Variants in CPA3 observed in about 807,000 individuals in gnomAD.
The protein encoded by CPA3 is mast cell carboxypeptidase A.
CPA3 carries 52 observed loss-of-function variants against 55.8 expected under a neutral mutation model. The observed-to-expected ratio is 0.93, with a 90% CI of 0.75 to 1.17. CPA3 has a LOEUF of 1.17. Among genes scored for constraint, CPA3 ranks in the 50% most tolerant of loss-of-function variants. CPA3 has a pLI of 0.00. For synonymous variants in CPA3, 179 were observed against 171.2 expected (o/e 1.05, Z -0.36); for missense variants, 547 against 509.1 (o/e 1.07, Z -0.72).
In CPA3 at chr3:148,865,511, A is replaced by G. The variant is rs1038754481; in HGVS notation, c.107A>G (p.Gln36Arg). The G allele has an allele frequency of 1.2e-6, 2 of 1,614,100 alleles. No homozygotes were observed. Among genetic ancestry groups the G allele is most frequent in the African/African-American group, 2.7e-5 (2 of 75,010 alleles). ...VFRVKPQDEKQADIIKDLAKT... is the reference protein window; with the variant it reads ...VFRVKPQDEKRADIIKDLAKT... The stretch of plus-strand genomic sequence containing the variant: ...CGCGTGAAGCCCCAGGATGAAAAAC[A>G]AGCAGACATCATAAAGGACTTGGCC... Residue 36 changes from glutamine (Q) to arginine (R), a missense_variant, in exon 2 of 11, where the codon CAA (glutamine) becomes CGA (arginine). Gln to Arg is a conservative substitution (Grantham distance 43, BLOSUM62 1). Transcript: ENST00000296046.
intron 3 of CPA3, among the ~76,000 whole-genome samples, chr3:148,869,460 C>CA (rs558424838): frequency 2.8e-5 from 4 of 142,112 alleles, no homozygotes; most frequent in African/African-American, 5.2e-5. Flanking sequence ...AAAAGGAGAC[C>CA]AAAAAAAAAA....
At chr3:148,880,335 CT>C (rs35154297) in intron 6 of CPA3, among the ~76,000 whole-genome samples, 54,879 of 135,954 alleles carry the variant, frequency 0.4, 10,021 homozygotes, top group African/African-American at 0.53. Context: ...TCACTTTTTT[CT>C]TTTTTTTTTT....
intron 8 of CPA3, 63 bp downstream of exon 8, chr3:148,882,658 C>G (rs753387651): frequency 1.6e-6 from 2 of 1,221,950 alleles, no homozygotes; most frequent in South Asian, 1.3e-5. Context: ...CCAAACTTAA[C>G]TAAAACACCT....
chr3:148,875,524 T>C (rs182813518), intron 3 of CPA3, among the ~76,000 whole-genome samples: 67 of 152,334 alleles, frequency 4.4e-4, no homozygotes, highest in African/African-American at 1.5e-3. Context: ...CCATGTTTTC[T>C]AAGTCCTTCT....
At chr3:148,865,953 A>G (rs1302920212) in intron 2 of CPA3, among the ~76,000 whole-genome samples, 2 of 152,192 alleles carry the variant, frequency 1.3e-5, no homozygotes, top group Non-Finnish European at 2.9e-5. Context: ...ACTGGCTAAT[A>G]TCAAGATGTG....
In CPA3 at chr3:148,881,641, C is replaced by A; in HGVS notation, c.687+9C>A. ...TTTGGTCATGGACAAAGGTACTGCT[C>A]TCTACTCTCTTGTTTGCATTTAGAT... On this transcript the variant is annotated intron_variant, in intron 7 of 10. Coordinates refer to ENST00000296046, the MANE Select transcript of CPA3 (RefSeq NM_001870.4). 4 of 1,536,282 alleles carry A rather than the reference C, an allele frequency of 2.6e-6. No homozygotes were observed. Among genetic ancestry groups the A allele is most frequent in the Non-Finnish European group, 3.6e-6 (4 of 1,114,558 alleles).
In CPA3 at chr3:148,886,134, A is replaced by G. The variant is rs146641016; in HGVS notation, c.1023A>G (p.Arg341=). 1.4e-5 allele frequency: 23 copies of G among 1,613,624 alleles called. No homozygotes were observed. In the African/African-American group the frequency reaches 3.1e-4, roughly 22 times the overall value. The change falls in exon 10 of 11, where the codon CGA becomes CGG. Residue 341 remains arginine, a synonymous_variant. Coordinates refer to ENST00000296046, the MANE Select transcript of CPA3 (RefSeq NM_001870.4). ...TTGGCACTGATGTTCTATCAACTCGATATGAAACCCGCTACATCTATGGCC... is the reference window on the plus strand; with the variant it reads ...TTGGCACTGATGTTCTATCAACTCGGTATGAAACCCGCTACATCTATGGCC... ...AKIGTDVLST[R]YETRYIYGPI...
At chr3:148,880,255 A>G (rs533129318) in intron 6 of CPA3, among the ~76,000 whole-genome samples, 2 of 152,180 alleles carry the variant, frequency 1.3e-5, no homozygotes, top group Admixed American at 1.3e-4. Flanking sequence ...ATTCCTCTTT[A>G]GATAATACAT....
intron 3 of CPA3, among the ~76,000 whole-genome samples, chr3:148,869,427 A>G (rs6767470): frequency 0.58 from 87,285 of 151,496 alleles, 26,043 homozygotes; most frequent in Middle Eastern, 0.68. Flanking sequence ...CTCCTTTTAT[A>G]TATTTGAATT....
At chr3:148,882,865 A>C (rs1679639031) in intron 8 of CPA3, among the ~76,000 whole-genome samples, 1 of 152,196 alleles carries the variant, frequency 6.6e-6, no homozygotes, top group South Asian at 2.1e-4. Context: ...ATGTATAAAA[A>C]TTCAGATAAT....
intron 8 of CPA3, 80 bp from the exon 9 acceptor site, chr3:148,883,533 A>G: frequency 1.7e-6 from 2 of 1,145,200 alleles, no homozygotes; most frequent in Non-Finnish European, 2.6e-6. Flanking sequence ...ACATTCTGTG[A>G]ATCTATAATA....
rs191917413 is a variant in CPA3 at position 148,877,693 on chromosome 3, A to G, written c.270-748A>G. ...TTTGTACCTCATTTTTCTCATCTGT[A>G]CAATAAGCATAATAATCTAATGTGA... On this transcript the variant is annotated intron_variant, in intron 3 of 10. Transcript: ENST00000296046. Among the ~76,000 whole-genome samples the G allele has an allele frequency of 5.8e-4, 89 of 152,306 alleles. 2 individuals carry two copies. Among genetic ancestry groups the G allele is most frequent in the Non-Finnish European group, 2.1e-4 (14 of 68,026 alleles).
At chr3:148,870,991 C>T (rs1319746479) in intron 3 of CPA3, among the ~76,000 whole-genome samples, 1 of 152,094 alleles carries the variant, frequency 6.6e-6, no homozygotes, top group African/African-American at 2.4e-5. Context: ...CTCCGCCTCC[C>T]GGGTTCACGC....
chr3:148,873,161 G>A (rs1323684841), intron 3 of CPA3, among the ~76,000 whole-genome samples: 3 of 152,056 alleles, frequency 2.0e-5, no homozygotes, highest in Admixed American at 2.0e-4. Flanking sequence ...AGAAATCCAT[G>A]TCAGTAAGTG....
chr3:148,889,466 G>C (rs1714613236), intron 10 of CPA3, among the ~76,000 whole-genome samples: 1 of 152,028 alleles, frequency 6.6e-6, no homozygotes, highest in Admixed American at 6.6e-5. Flanking sequence ...TTTGCTCTTT[G>C]AACATGAGAG....
At chr3:148,881,484 T>C in intron 6 of CPA3, 38 bp from the exon 7 acceptor site, 1 of 1,312,200 alleles carries the variant, frequency 7.6e-7, no homozygotes. Context: ...ATAGCTAAAC[T>C]TCATACCAAT....
At chr3:148,882,450 A>T in intron 7 of CPA3, 55 bp from the exon 8 acceptor site, 1 of 1,473,788 alleles carries the variant, frequency 6.8e-7, no homozygotes, top group African/African-American at 1.4e-5. Context: ...GAAATGATCA[A>T]ATTGAAAAAT....
At position 148,883,782 on chromosome 3, in the gene CPA3, T is replaced by C. The variant is rs1332005882; in HGVS notation, c.948T>C (p.Tyr316=). The C allele has an allele frequency of 1.9e-6, 3 of 1,613,972 alleles. No homozygotes were observed. Among genetic ancestry groups the C allele is most frequent in the Non-Finnish European group, 2.5e-6 (3 of 1,179,968 alleles). The part of the protein sequence containing the change: ...YSQMLLFPYG[Y]TSKLPPNHED... Reference sequence around the variant, plus strand: ...AGATGCTATTGTTTCCCTATGGATATACATCAAAACTGCCACCTAACCATG... The same window carrying C: ...AGATGCTATTGTTTCCCTATGGATACACATCAAAACTGCCACCTAACCATG... The change falls in exon 9 of 11, where the codon TAT becomes TAC. Residue 316 remains tyrosine (Y), a synonymous_variant. Coordinates refer to ENST00000296046, the MANE Select transcript of CPA3 (RefSeq NM_001870.4).
At position 148,886,112 on chromosome 3, in the gene CPA3, G is replaced by A. The variant is rs139830547; in HGVS notation, c.1001G>A (p.Gly334Asp). The change falls in exon 10 of 11, where the codon GGC becomes GAC. Residue 334 changes from glycine to aspartate, a missense_variant. Physicochemically the swap from Gly to Asp is moderately conservative, Grantham distance 94. Coordinates refer to ENST00000296046, the MANE Select transcript of CPA3 (RefSeq NM_001870.4). ...CTCCAGGCCAAAGTTGCAAAGATTG[G>A]CACTGATGTTCTATCAACTCGATAT... ...HEDLAKVAKI[G>D]TDVLSTRYET... 170 of 1,613,186 alleles carry A rather than the reference G, an allele frequency of 1.1e-4. No homozygotes were observed. The highest frequency in any genetic ancestry group is 1.4e-4 in the Non-Finnish European group (167 of 1,179,628).
Sources: allele counts gnomAD v4.1 joint callset (sites outside exome capture counted in the v4.1 genomes callset), GRCh38; gene constraint gnomAD v4.1.1; transcripts MANE v1.5; gene names NCBI Gene and HGNC (gene_info 2026-07-23, HGNC 2026-07-21).